The following SP140 variants were observed in gnomAD, a reference collection of about 807,000 sequenced individuals.
SP140 encodes SP140 nuclear body protein.
A neutral mutation model predicts 125.0 loss-of-function variants in SP140; 81 were observed. That is an observed-to-expected ratio of 0.65 (90% CI 0.54 to 0.78). SP140 has a LOEUF of 0.78. SP140 is among the 30% of genes least tolerant of loss of function. The pLI, the probability that SP140 is intolerant of heterozygous loss-of-function variation, is 0.00. For synonymous variants in SP140, 312 were observed against 354.0 expected (o/e 0.88, Z 1.33); for missense variants, 858 against 1,037.0 (o/e 0.83, Z 2.37).
At chr2:230,309,412 A>G (rs773557031) in intron 22 of SP140, among the ~76,000 whole-genome samples, 2 of 152,170 alleles carry the variant, frequency 1.3e-5, no homozygotes, top group Non-Finnish European at 2.9e-5. Flanking sequence ...AGAGCCCTCC[A>G]GGCACAAAAC....
At chr2:230,310,330 G>T in intron 23 of SP140, 1 of 493,704 alleles carries the variant, frequency 2.0e-6, no homozygotes, top group Non-Finnish European at 3.7e-6. Context: ...GGGTGGGTTG[G>T]AGACAAGAAA....
chr2:230,245,161 AC>A, intron 6 of SP140, 81 bp downstream of exon 6: 1 of 879,642 alleles, frequency 1.1e-6, no homozygotes, highest in Non-Finnish European at 1.8e-6. Context: ...TTCTCTCTCC[AC>A]CACCAACCCT....
intron 22 of SP140, among the ~76,000 whole-genome samples, chr2:230,300,836 C>G (rs146534879): frequency 0.015 from 2,346 of 152,200 alleles, 57 homozygotes; most frequent in African/African-American, 0.054. Flanking sequence ...TTCAGAAGGT[C>G]AATTATTCAG....
chr2:230,259,646 C>T (rs1283896064), intron 12 of SP140, among the ~76,000 whole-genome samples: 1 of 151,252 alleles, frequency 6.6e-6, no homozygotes, highest in East Asian at 1.9e-4. Flanking sequence ...GAGATCACAC[C>T]ACTGCACTCC....
intron 1 of SP140, among the ~76,000 whole-genome samples, chr2:230,227,493 G>A (rs1377839055): frequency 6.6e-6 from 1 of 152,214 alleles, no homozygotes; most frequent in Non-Finnish European, 1.5e-5. Flanking sequence ...GGAGGAAATT[G>A]GGGAGGATGA....
In SP140 at chr2:230,225,821, C is replaced by T. The variant is rs750475076; in HGVS notation, c.-24C>T. The T allele has an allele frequency of 2.7e-5, 44 of 1,609,190 alleles. No individual in the cohort carries two copies. The South Asian group carries it at 4.5e-4, about 16-fold the overall frequency. On this transcript the variant is annotated 5_prime_UTR_variant, in exon 1 of 27. Transcript: ENST00000392045. The stretch of plus-strand genomic sequence containing the variant: ...AGGAACGGGGCAGTGAAAATCGAAT[C>T]GGGTGTGATCCTAGGCCAAGCTCAT...
intron 12 of SP140, 22 bp from the exon 13 acceptor site, chr2:230,269,510 T>A (rs1340801275): frequency 6.9e-7 from 1 of 1,457,186 alleles, no homozygotes; most frequent in Non-Finnish European, 9.6e-7. Flanking sequence ...CCTTGGACAA[T>A]AATTTTCTTG....
At chr2:230,276,436 T>C (rs576384493) in intron 15 of SP140, among the ~76,000 whole-genome samples, 1 of 152,148 alleles carries the variant, frequency 6.6e-6, no homozygotes, top group Non-Finnish European at 1.5e-5. Context: ...GTTTACTGAG[T>C]ATTTTAAACC....
intron 1 of SP140, chr2:230,230,280 T>A (rs1167717655): frequency 6.6e-6 from 1 of 152,218 alleles, no homozygotes; most frequent in African/African-American, 2.4e-5. Context: ...GCTGAGTCAT[T>A]TCCTGGGTAG....
At chr2:230,256,718 A>G (rs543968517) in intron 12 of SP140, among the ~76,000 whole-genome samples, 1 of 152,376 alleles carries the variant, frequency 6.6e-6, no homozygotes, top group South Asian at 2.1e-4. Context: ...AAAAAAGGGT[A>G]TCATTCCTCT....
intron 15 of SP140, among the ~76,000 whole-genome samples, chr2:230,272,530 C>T (rs1355135106): frequency 3.3e-5 from 5 of 152,144 alleles, no homozygotes; most frequent in Non-Finnish European, 7.3e-5. Flanking sequence ...CCTGCACAAG[C>T]TCTCTCTCTT....
At chr2:230,239,191 T>G in intron 3 of SP140, 2 of 491,696 alleles carry the variant, frequency 4.1e-6, no homozygotes, top group Non-Finnish European at 6.0e-6. Flanking sequence ...CAGAGAAAGG[T>G]CTAGAGGAAG....
intron 12 of SP140, among the ~76,000 whole-genome samples, chr2:230,267,268 C>T (rs372398410): frequency 6.6e-6 from 1 of 152,112 alleles, no homozygotes; most frequent in African/African-American, 2.4e-5. Context: ...TCAAATCATC[C>T]GTAGTGTAGG....
the SP140 span, among the ~76,000 whole-genome samples, chr2:230,190,922 T>A: frequency 6.6e-6 from 1 of 152,200 alleles, no homozygotes; most frequent in Non-Finnish European, 1.5e-5. Context: ...TATATGTCTG[T>A]TTTGGTACCA....
chr2:230,208,941 G>A (rs1435935335), intron 1 of SP140, among the ~76,000 whole-genome samples: 1 of 152,196 alleles, frequency 6.6e-6, no homozygotes, highest in Admixed American at 6.5e-5. Flanking sequence ...AAAAAGCTGG[G>A]AAGCAAAGAA....
chr2:230,220,160 G>T, intron 3 of SP140: 1 of 815,792 alleles, frequency 1.2e-6, no homozygotes, highest in Non-Finnish European at 1.5e-6. Flanking sequence ...GGGAGGGCGT[G>T]TTGCCAGTTG....
At chr2:230,199,170 G>T (rs2043018070), upstream of SP140, among the ~76,000 whole-genome samples, 1 of 144,874 alleles carries the variant, frequency 6.9e-6, no homozygotes, top group South Asian at 2.2e-4. Context: ...TTTTAGTGGG[G>T]TGAGGTTTGC....
At chr2:230,297,553 A>G in intron 22 of SP140, 91 bp downstream of exon 22, 2 of 1,446,426 alleles carry the variant, frequency 1.4e-6, no homozygotes, top group Non-Finnish European at 1.9e-6. Context: ...TGCCTGAATC[A>G]TGTTCAGTCT....
At chr2:230,294,218 TCA>T (rs2057436924) in intron 20 of SP140, 51 bp from the exon 21 acceptor site, 1 of 1,485,380 alleles carries the variant, frequency 6.7e-7, no homozygotes, top group Non-Finnish European at 9.4e-7. Flanking sequence ...AATGCCAGAC[TCA>T]CAAAACGGAA....
Sources: gnomAD v4.1 joint callset for allele counts (sites outside exome capture counted in the v4.1 genomes callset) on GRCh38, gnomAD v4.1.1 for gene constraint, MANE v1.5 for transcripts, NCBI Gene and HGNC (gene_info 2026-07-23, HGNC 2026-07-21) for gene names.